Variants in SYNDIG1 observed in about 807,000 individuals in gnomAD.
The protein encoded by SYNDIG1 is synapse differentiation inducing 1, also known as synapse differentiation-inducing gene protein 1.
SYNDIG1 carries 9 observed loss-of-function variants against 19.4 expected under a neutral mutation model. The ratio of observed to expected loss-of-function variants is 0.46; its 90% CI spans 0.28 to 0.81. The LOEUF (loss-of-function observed/expected upper bound fraction) is 0.81, where lower values mean the gene tolerates loss of function less well. SYNDIG1 is among the 30% of genes least tolerant of loss of function. The pLI, the probability that SYNDIG1 is intolerant of heterozygous loss-of-function variation, is 0.12. For missense variants in SYNDIG1, 311 were observed against 343.3 expected (o/e 0.91, Z 0.74); for synonymous variants, 141 against 145.9 (o/e 0.97, Z 0.24).
chr20:24,476,475 C>T (rs2055629342), intron 1 of SYNDIG1, among the ~76,000 whole-genome samples: 1 of 152,052 alleles, frequency 6.6e-6, no homozygotes, highest in South Asian at 2.1e-4. Context: ...CAGGACCATC[C>T]TGGTTAACAC....
intron 2 of SYNDIG1, among the ~76,000 whole-genome samples, chr20:24,571,064 C>T (rs1047438794): frequency 1.4e-4 from 21 of 151,952 alleles, no homozygotes; most frequent in African/African-American, 5.1e-4. Flanking sequence ...TATGCCTGCT[C>T]GAAAAGACGA....
intron 3 of SYNDIG1, among the ~76,000 whole-genome samples, chr20:24,661,538 A>AGTT (rs2059600988): frequency 1.6e-5 from 2 of 128,706 alleles, no homozygotes; most frequent in Non-Finnish European, 1.6e-5. Flanking sequence ...AAAAAGGAGG[A>AGTT]AGGAGGGAGG....
rs1282949768 is a variant in SYNDIG1, at chr20:24,626,378, C to T, written c.619-38968C>T. Among the ~76,000 whole-genome samples, 7 of 150,918 alleles carry T rather than the reference C, an allele frequency of 4.6e-5. No homozygotes were observed. The East Asian group carries it at 6.1e-4, about 13-fold the overall frequency. On this transcript the variant is annotated intron_variant, in intron 3 of 3. Coordinates refer to ENST00000376862, the MANE Select transcript of SYNDIG1 (RefSeq NM_024893.3). ...CTCAGACAGGACGGCCGGGCAGAGA[C>T]GCTCCTCACCTCCCAGACAGGGTCG...
At chr20:24,570,868 T>C (rs2146939973) in intron 2 of SYNDIG1, among the ~76,000 whole-genome samples, 1 of 152,310 alleles carries the variant, frequency 6.6e-6, no homozygotes, top group Admixed American at 6.5e-5. Flanking sequence ...AACTCATAAT[T>C]GGAAAAGCAA....
At chr20:24,607,356 G>T (rs1481841061) in intron 3 of SYNDIG1, among the ~76,000 whole-genome samples, 2 of 115,136 alleles carry the variant, frequency 1.7e-5, no homozygotes, top group Non-Finnish European at 3.6e-5. Flanking sequence ...GCAAGACTCC[G>T]TCTCAAAAAA....
intron 3 of SYNDIG1, among the ~76,000 whole-genome samples, chr20:24,655,838 A>G (rs1318377232): frequency 6.6e-6 from 1 of 152,208 alleles, no homozygotes; most frequent in African/African-American, 2.4e-5. Context: ...CCAAAACTAG[A>G]AACTATTCAG....
intron 2 of SYNDIG1, among the ~76,000 whole-genome samples, chr20:24,579,676 C>T (rs6049793): frequency 0.17 from 25,596 of 152,128 alleles, 2,855 homozygotes; most frequent in Admixed American, 0.31. Flanking sequence ...GCACTTTAAG[C>T]GGACACAGCT....
intron 2 of SYNDIG1, among the ~76,000 whole-genome samples, chr20:24,565,761 C>A (rs899307156): frequency 3.3e-5 from 5 of 152,156 alleles, no homozygotes; most frequent in Admixed American, 1.3e-4. Flanking sequence ...TCTCCTTCCC[C>A]CGCTTCACAG....
intron 1 of SYNDIG1, among the ~76,000 whole-genome samples, chr20:24,535,983 G>A (rs186362596): frequency 6.6e-6 from 1 of 152,328 alleles, no homozygotes; most frequent in East Asian, 1.9e-4. Context: ...ACACATGTTT[G>A]AGGATTCATT....
chr20:24,536,671 G>C (rs551946257), intron 1 of SYNDIG1, among the ~76,000 whole-genome samples: 1 of 152,272 alleles, frequency 6.6e-6, no homozygotes, highest in South Asian at 2.1e-4. Flanking sequence ...AGAGGGACAA[G>C]TGAGAGCCCC....
chr20:24,488,624 G>A (rs980636453), intron 1 of SYNDIG1, among the ~76,000 whole-genome samples: 1 of 152,214 alleles, frequency 6.6e-6, no homozygotes, highest in Admixed American at 6.5e-5. Flanking sequence ...CCGTCCCTGG[G>A]CATCACATTG....
intron 1 of SYNDIG1, among the ~76,000 whole-genome samples, chr20:24,519,508 G>A (rs975040527): frequency 2.6e-5 from 4 of 152,186 alleles, no homozygotes; most frequent in Admixed American, 2.6e-4. Context: ...TGATGTGAAT[G>A]ATGAGCTGGC....
chr20:24,651,227 T>C (rs1315246771), intron 3 of SYNDIG1, among the ~76,000 whole-genome samples: 1 of 152,260 alleles, frequency 6.6e-6, no homozygotes, highest in Non-Finnish European at 1.5e-5. Context: ...GCAAAGAGGC[T>C]GACTGTAAGC....
intron 1 of SYNDIG1, among the ~76,000 whole-genome samples, chr20:24,477,860 C>A (rs958384269): frequency 6.6e-6 from 1 of 152,180 alleles, no homozygotes; most frequent in Non-Finnish European, 1.5e-5. Flanking sequence ...AAAGAATAGA[C>A]CTCAGTCACT....
intron 2 of SYNDIG1, among the ~76,000 whole-genome samples, chr20:24,561,535 T>C (rs2057946026): frequency 1.3e-5 from 2 of 152,226 alleles, no homozygotes; most frequent in South Asian, 4.1e-4. Flanking sequence ...TGGACCAAGC[T>C]GATGGATGGC....
chr20:24,478,877 A>G (rs1448763711), intron 1 of SYNDIG1, among the ~76,000 whole-genome samples: 1 of 152,206 alleles, frequency 6.6e-6, no homozygotes, highest in African/African-American at 2.4e-5. Flanking sequence ...GCCAGAGGCC[A>G]AGACATTTAG....
At chr20:24,656,359 C>A (rs904511204) in intron 3 of SYNDIG1, among the ~76,000 whole-genome samples, 1 of 152,178 alleles carries the variant, frequency 6.6e-6, no homozygotes. Flanking sequence ...TGATTCTAGC[C>A]GTAATTCTGA....
At chr20:24,619,386 G>A (rs2059001764) in intron 3 of SYNDIG1, among the ~76,000 whole-genome samples, 1 of 152,218 alleles carries the variant, frequency 6.6e-6, no homozygotes, top group Non-Finnish European at 1.5e-5. Context: ...TCATCATCAA[G>A]TCTGTTCTCT....
At chr20:24,507,704 G>A (rs1326305) in intron 1 of SYNDIG1, among the ~76,000 whole-genome samples, 92,119 of 152,078 alleles carry the variant, frequency 0.61, 28,219 homozygotes, top group Middle Eastern at 0.71. Context: ...GAGCAGTATC[G>A]GGTGTGAGCA....
Sources: allele counts gnomAD v4.1 joint callset (sites outside exome capture counted in the v4.1 genomes callset), GRCh38; gene constraint gnomAD v4.1.1; transcripts MANE v1.5; gene names NCBI Gene and HGNC (gene_info 2026-07-23, HGNC 2026-07-21).